EYA2: variants seen among roughly 807,000 people sequenced by gnomAD.
EYA2 encodes the protein protein phosphatase EYA2.
EYA2 carries 31 observed loss-of-function variants against 69.2 expected under a neutral mutation model. That is an observed-to-expected ratio of 0.45 (90% CI 0.34 to 0.60). The LOEUF is 0.60. Ranked by LOEUF, EYA2 falls within the 20% of genes least tolerant of loss-of-function variation. EYA2 has a pLI of 0.02. For synonymous variants in EYA2, 257 were observed against 279.4 expected (o/e 0.92, Z 0.80); for missense variants, 622 against 701.2 (o/e 0.89, Z 1.28).
At position 47,175,140 on chromosome 20, in the gene EYA2, C is replaced by T. The variant is rs550900873; in HGVS notation, c.1198+2273C>T. 1.4e-4 allele frequency among the ~76,000 whole-genome samples: 21 copies of T among 152,348 alleles called. 1 individual carries two copies. In the South Asian group the frequency reaches 3.5e-3, roughly 26 times the overall value. ...CCAAGGCGTCAGCCAGTGAGGAGCC[C>T]ACAGCCAGCGGCATGCCGGTCTCCT... On this transcript the variant is annotated intron_variant, in intron 12 of 15. Coordinates refer to ENST00000327619, the MANE Select transcript of EYA2 (RefSeq NM_005244.5).
rs1388320052 is a variant in EYA2, at chr20:47,165,737, G to T, written c.979-3402G>T. On this transcript the variant is annotated intron_variant, in intron 10 of 15. Coordinates refer to ENST00000327619, the MANE Select transcript of EYA2 (RefSeq NM_005244.5). ...TTCATCAAAACCCTTTCTAATCTGA[G>T]GCCCTTTCAAGGGGCTGGAGAGGGA... is the stretch of plus-strand genomic sequence containing the variant. Among the ~76,000 whole-genome samples, 4 of 152,084 alleles carry T rather than the reference G, an allele frequency of 2.6e-5. No individual in the cohort carries two copies. The East Asian group carries it at 7.7e-4, about 29-fold the overall frequency.
intron 4 of EYA2, among the ~76,000 whole-genome samples, chr20:47,009,839 C>T (rs1027193524): frequency 6.6e-6 from 1 of 152,222 alleles, no homozygotes; most frequent in African/African-American, 2.4e-5. Context: ...AGTTTGCTGA[C>T]CTTTAATGTA....
chr20:47,034,748 C>A (rs943630172), intron 5 of EYA2, among the ~76,000 whole-genome samples: 2 of 152,210 alleles, frequency 1.3e-5, no homozygotes, highest in African/African-American at 4.8e-5. Flanking sequence ...TTTATTGTCT[C>A]ACAGTTCTGG....
At chr20:47,110,761 A>T (rs2032727925) in intron 9 of EYA2, among the ~76,000 whole-genome samples, 1 of 152,180 alleles carries the variant, frequency 6.6e-6, no homozygotes, top group South Asian at 2.1e-4. Flanking sequence ...GGGAGTTTTC[A>T]CTTGTGTGAT....
chr20:47,097,026 A>G (rs1380861379), intron 8 of EYA2, 59 bp from the exon 9 acceptor site: 6 of 1,243,876 alleles, frequency 4.8e-6, no homozygotes, highest in African/African-American at 3.0e-5. Flanking sequence ...TTCTGCAGAC[A>G]TTAAGTCAGA....
rs1042530571 is a variant in EYA2 at position 47,074,423 on chromosome 20, C to T, written c.661+88C>T. ...ACCCGCACATGGGTCCCAATTGTAA[C>T]AAACAGGTTACCCAAGGGTCATTCA... On this transcript the variant is annotated intron_variant, in intron 7 of 15. Transcript: ENST00000327619. The T allele has an allele frequency of 2.9e-6, 4 of 1,389,500 alleles. No homozygotes were observed. In the African/African-American group the frequency reaches 4.3e-5, roughly 15 times the overall value. 86.1% of individuals were successfully genotyped at this position (1,389,500 alleles called of 1,614,324 possible). A position where few individuals can be genotyped will look rare whatever the true frequency, so the allele number is the denominator to read the frequency against.
At chr20:47,010,784 A>G (rs1346372463) in intron 4 of EYA2, among the ~76,000 whole-genome samples, 1 of 137,088 alleles carries the variant, frequency 7.3e-6, no homozygotes, top group African/African-American at 2.7e-5. Flanking sequence ...TTTAAAATTG[A>G]GTTGATTTTT....
At chr20:47,011,294 CTG>C (rs1218252430) in intron 4 of EYA2, among the ~76,000 whole-genome samples, 1 of 152,158 alleles carries the variant, frequency 6.6e-6, no homozygotes, top group Non-Finnish European at 1.5e-5. Context: ...AACGAGTACT[CTG>C]GGCTGTGCCA....
At chr20:46,915,865 T>C (rs6066114) in intron 1 of EYA2, among the ~76,000 whole-genome samples, 50,300 of 151,864 alleles carry the variant, frequency 0.33, 8,836 homozygotes, top group South Asian at 0.42. Flanking sequence ...CCCCCGGACC[T>C]GGGGGCTCAA....
At chr20:46,936,364 G>A (rs370038853) in intron 1 of EYA2, among the ~76,000 whole-genome samples, 3 of 152,268 alleles carry the variant, frequency 2.0e-5, no homozygotes, top group African/African-American at 7.2e-5. Context: ...CCAGCTACTC[G>A]GAAGGCTGAC....
chr20:47,013,778 G>C (rs1983231671), intron 4 of EYA2, among the ~76,000 whole-genome samples: 1 of 152,174 alleles, frequency 6.6e-6, no homozygotes, highest in Admixed American at 6.5e-5. Context: ...TGCACAGTGA[G>C]GCAGACTGTA....
At chr20:47,016,144 G>A (rs748485679) in intron 4 of EYA2, 37 bp from the exon 5 acceptor site, 11 of 1,477,908 alleles carry the variant, frequency 7.4e-6, no homozygotes, top group Non-Finnish European at 1.0e-5. Context: ...CTAATCATGT[G>A]TCCTTGGTCC....
intron 5 of EYA2, among the ~76,000 whole-genome samples, chr20:47,033,181 C>T (rs369403187): frequency 4.6e-4 from 70 of 152,138 alleles, no homozygotes; most frequent in African/African-American, 1.7e-3. Flanking sequence ...TATTTTTGAT[C>T]GCTTAGGAGC....
At chr20:46,983,034 A>G (rs1447367914) in intron 1 of EYA2, among the ~76,000 whole-genome samples, 1 of 152,114 alleles carries the variant, frequency 6.6e-6, no homozygotes, top group Non-Finnish European at 1.5e-5. Context: ...TGGACTCCCA[A>G]AGTGCTGGGA....
At chr20:46,914,714 CTA>C (rs1984815859) in intron 1 of EYA2, among the ~76,000 whole-genome samples, 1 of 152,146 alleles carries the variant, frequency 6.6e-6, no homozygotes, top group Non-Finnish European at 1.5e-5. Context: ...ATTATGGGAA[CTA>C]TAATTCAAGA....
intron 1 of EYA2, among the ~76,000 whole-genome samples, chr20:46,918,318 C>G (rs1479939044): frequency 1.3e-5 from 2 of 150,150 alleles, no homozygotes; most frequent in Non-Finnish European, 3.0e-5. Flanking sequence ...AAGACTCCGT[C>G]TCAAAAAACA....
intron 14 of EYA2, 107 bp downstream of exon 14, chr20:47,181,043 G>T: frequency 6.9e-7 from 1 of 1,459,288 alleles, no homozygotes; most frequent in Non-Finnish European, 9.3e-7. Context: ...GAAATGGATG[G>T]AGTGTGCCTA....
chr20:47,081,804 A>G (rs1479177839), intron 7 of EYA2, among the ~76,000 whole-genome samples: 1 of 151,426 alleles, frequency 6.6e-6, no homozygotes, highest in African/African-American at 2.4e-5. Flanking sequence ...GAAGAAAGAA[A>G]AAAAGAGAGA....
intron 9 of EYA2, among the ~76,000 whole-genome samples, chr20:47,115,527 C>T (rs1322146140): frequency 6.6e-6 from 1 of 152,260 alleles, no homozygotes; most frequent in Admixed American, 6.5e-5. Flanking sequence ...CTTATGCTCA[C>T]GTAACTCTCT....
Sources: gnomAD v4.1 joint callset for allele counts (sites outside exome capture counted in the v4.1 genomes callset) on GRCh38, gnomAD v4.1.1 for gene constraint, MANE v1.5 for transcripts, NCBI Gene and HGNC (gene_info 2026-07-23, HGNC 2026-07-21) for gene names.